Variants in IFIT1B observed in about 807,000 individuals in gnomAD.
IFIT1B encodes protein IFIT1 homolog B.
A neutral mutation model predicts 2.5 loss-of-function variants in IFIT1B; 3 were observed. The ratio of observed to expected loss-of-function variants is 1.21; its 90% CI spans 0.55 to 3.14. IFIT1B has a LOEUF of 3.14. Among genes scored for constraint, IFIT1B ranks in the 30% most tolerant of loss-of-function variants. The pLI is 0.03. For missense variants in IFIT1B, 545 were observed against 556.5 expected, an observed-to-expected ratio of 0.98 and a Z score of 0.21; for synonymous variants, 196 against 203.0, an observed-to-expected ratio of 0.97 and a Z score of 0.29.
In IFIT1B at chr10:89,384,374, GC is replaced by G. The variant is rs1564804618; in HGVS notation, c.1063del (p.His355ThrfsTer15). ...CTGGCTGAAACGTATGCAGAAATAG[GC>G]CACCACAGAAAGGCTGAGGAACATT... ...VDLAETYAEI[G>X]HHRKAEEHFQ... On this transcript the variant is annotated frameshift_variant, in exon 2 of 2. Transcript: ENST00000371809. LOFTEE classifies it low-confidence loss of function (END_TRUNC). The G allele has an allele frequency of 1.2e-6, 2 of 1,614,108 alleles. No individual in the cohort carries two copies. The highest frequency in any genetic ancestry group is 4.5e-5 in the East Asian group (2 of 44,888).
rs763129943 is a variant in IFIT1B at position 89,384,418 on chromosome 10, A to G, written c.1105A>G (p.Met369Val). 4 of 1,614,114 alleles carry G rather than the reference A, an allele frequency of 2.5e-6. No homozygotes were observed. Among genetic ancestry groups the G allele is most frequent in the South Asian group, 2.2e-5 (2 of 91,094 alleles). ...AEEHFQKGLR[M>V]KIFEDQLKQE... ...GGAACATTTTCAGAAAGGGTTACGC[A>G]TGAAGATCTTTGAAGATCAGCTAAA... Residue 369 changes from methionine (M) to valine (V), a missense_variant, in exon 2 of 2, where the codon ATG becomes GTG. Met to Val is a conservative substitution (Grantham distance 21, BLOSUM62 1). Coordinates refer to ENST00000371809, the MANE Select transcript of IFIT1B (RefSeq NM_001010987.2).
intron 1 of IFIT1B, among the ~76,000 whole-genome samples, chr10:89,379,549 G>T (rs1248066350): frequency 6.6e-6 from 1 of 152,136 alleles, no homozygotes; most frequent in Non-Finnish European, 1.5e-5. Flanking sequence ...ACCTGCTAGA[G>T]TTCTCCCATC....
chr10:89,383,316 C>G lies in IFIT1B; in HGVS notation c.6-3C>G. ...TGTAATTAATTGCTGCCTATTTTTA[C>G]AGTGAAGAATCTGATGGAAAGCTTA... On this transcript the variant is annotated splice_region_variant and splice_polypyrimidine_tract_variant and intron_variant, in intron 1 of 1. Transcript: ENST00000371809. 1 of 1,600,728 alleles carries G rather than the reference C, an allele frequency of 6.2e-7. No homozygotes were observed.
At chr10:89,378,780 T>C (rs1844140611) in intron 1 of IFIT1B, among the ~76,000 whole-genome samples, 1 of 152,224 alleles carries the variant, frequency 6.6e-6, no homozygotes, top group Admixed American at 6.5e-5. Context: ...TAACTCCTGT[T>C]ACAGAGCTCG....
chr10:89,383,815 C>G lies in IFIT1B; in HGVS notation c.502C>G (p.Leu168Val). The change falls in exon 2 of 2, where the codon CTG becomes GTG. Residue 168 changes from leucine to valine, a missense_variant. Leu to Val is a conservative substitution (Grantham distance 32). Transcript: ENST00000371809. Reference sequence around the variant, plus strand: ...GGCCAAGACCTGCTTTGAAAAGGCTCTGGAAGGGAACCCTGAAAACCCTGA... The same window carrying G: ...GGCCAAGACCTGCTTTGAAAAGGCTGTGGAAGGGAACCCTGAAAACCCTGA... The part of the protein sequence containing the change: ...ERAKTCFEKA[L>V]EGNPENPEFN... 1 of 1,614,210 alleles carries G rather than the reference C, an allele frequency of 6.2e-7. No individual in the cohort carries two copies. Among genetic ancestry groups the G allele is most frequent in the Non-Finnish European group, 8.5e-7 (1 of 1,180,040 alleles).
At chr10:89,378,895 A>C (rs1414851375) in intron 1 of IFIT1B, among the ~76,000 whole-genome samples, 1 of 152,232 alleles carries the variant, frequency 6.6e-6, no homozygotes. Flanking sequence ...ACTTTCTAAT[A>C]GAGGGACAAT....
chr10:89,380,967 A>G (rs1444183507), intron 1 of IFIT1B, among the ~76,000 whole-genome samples: 1 of 152,230 alleles, frequency 6.6e-6, no homozygotes, highest in Non-Finnish European at 1.5e-5. Context: ...GCAGCCTTGT[A>G]AGATTGTGTA....
Position 89,383,395 on chromosome 10 carries a change from G to T in IFIT1B, c.82G>T (p.Glu28Ter). 3.7e-6 allele frequency: 6 copies of T among 1,614,170 alleles called. No homozygotes were observed. Among genetic ancestry groups the T allele is most frequent in the Non-Finnish European group, 2.5e-6 (3 of 1,180,030 alleles). Residue 28 changes from glutamate to a stop codon, truncating the protein, a stop_gained, in exon 2 of 2, where the codon GAA becomes TAA. Transcript: ENST00000371809. LOFTEE classifies it low-confidence loss of function (END_TRUNC). ...TCACTTTACATGGAAGTTGTTAATTGAAGCCCCTGAAATTCCTGATTTAGA... is the reference window on the plus strand; with the variant it reads ...TCACTTTACATGGAAGTTGTTAATTTAAGCCCCTGAAATTCCTGATTTAGA... ...RCHFTWKLLI[E>*]APEIPDLENR...
At chr10:89,381,125 C>G (rs986443675) in intron 1 of IFIT1B, among the ~76,000 whole-genome samples, 16 of 152,158 alleles carry the variant, frequency 1.1e-4, no homozygotes, top group African/African-American at 3.9e-4. Flanking sequence ...GGGCTAGCAG[C>G]TGAGATGCTG....
chr10:89,378,606 G>A (rs905196481), intron 1 of IFIT1B, among the ~76,000 whole-genome samples: 4 of 152,168 alleles, frequency 2.6e-5, no homozygotes, highest in Non-Finnish European at 4.4e-5. Context: ...TTAATATCTG[G>A]CTGGTGCTCC....
At chr10:89,379,743 T>C (rs769512410) in intron 1 of IFIT1B, among the ~76,000 whole-genome samples, 35 of 152,010 alleles carry the variant, frequency 2.3e-4, no homozygotes, top group Middle Eastern at 3.2e-3. Flanking sequence ...GGTCATAAGA[T>C]GTTAGTTGTG....
chr10:89,383,749 G>C lies in IFIT1B; in HGVS notation c.436G>C (p.Gly146Arg), dbSNP rs1417783502. Residue 146 changes from glycine to arginine, a missense_variant, in exon 2 of 2, where the codon GGA becomes CGA. Physicochemically the swap from Gly to Arg is moderately radical, Grantham distance 125. Coordinates refer to ENST00000371809, the MANE Select transcript of IFIT1B (RefSeq NM_001010987.2). Reference protein sequence around the residue: ...MECPEVDCEEGWALAKCGGKN... With the variant: ...MECPEVDCEERWALAKCGGKN... ...GTGTCCAGAGGTGGACTGTGAGGAAGGATGGGCCTTGGCGAAGTGTGGTGG... is the reference window on the plus strand; with the variant it reads ...GTGTCCAGAGGTGGACTGTGAGGAACGATGGGCCTTGGCGAAGTGTGGTGG... 2 of 1,614,096 alleles carry C rather than the reference G, an allele frequency of 1.2e-6. No individual in the cohort carries two copies. The highest frequency in any genetic ancestry group is 2.7e-5 in the African/African-American group (2 of 74,938).
Position 89,383,379 on chromosome 10 carries a change from A to C in IFIT1B, c.66A>C (p.Thr22=), listed in dbSNP as rs544909773. ...DSLIQLRCHF[T]WKLLIEAPEI... ...TGATTCAGCTGAGATGTCACTTTAC[A>C]TGGAAGTTGTTAATTGAAGCCCCTG... The change falls in exon 2 of 2, where the codon ACA becomes ACC. Residue 22 remains threonine (T), a synonymous_variant. Coordinates refer to ENST00000371809, the MANE Select transcript of IFIT1B (RefSeq NM_001010987.2). The C allele has an allele frequency of 6.2e-7, 1 of 1,614,224 alleles. No homozygotes were observed. Among genetic ancestry groups the C allele is most frequent in the African/African-American group, 1.3e-5 (1 of 75,054 alleles).
chr10:89,378,566 A>T lies in IFIT1B; in HGVS notation c.5+426A>T, dbSNP rs1014224753. 2.6e-5 allele frequency among the ~76,000 whole-genome samples: 4 copies of T among 152,220 alleles called. No individual in the cohort carries two copies. The East Asian group carries it at 7.7e-4, about 29-fold the overall frequency. ...AGAGCACAGTGGGAGCTTAGGAATT[A>T]ATTCCATGACCTTCACCTCCTCCTG... On this transcript the variant is annotated intron_variant, in intron 1 of 1. Coordinates refer to ENST00000371809, the MANE Select transcript of IFIT1B (RefSeq NM_001010987.2).
At chr10:89,378,472 T>C (rs144001253) in intron 1 of IFIT1B, among the ~76,000 whole-genome samples, 446 of 152,186 alleles carry the variant, frequency 2.9e-3, no homozygotes, top group African/African-American at 9.7e-3. Context: ...AAGGAGACTC[T>C]AAGCTATAGC....
intron 1 of IFIT1B, among the ~76,000 whole-genome samples, chr10:89,382,700 G>A (rs772257816): frequency 2.6e-5 from 4 of 152,194 alleles, no homozygotes; most frequent in Non-Finnish European, 4.4e-5. Context: ...CCCTTGTGAG[G>A]TGGTTCCACC....
At chr10:89,380,682 C>G (rs1269298624) in intron 1 of IFIT1B, among the ~76,000 whole-genome samples, 1 of 152,164 alleles carries the variant, frequency 6.6e-6, no homozygotes, top group Non-Finnish European at 1.5e-5. Context: ...ATTCACCTGC[C>G]TTGGACTCTC....
intron 1 of IFIT1B, among the ~76,000 whole-genome samples, chr10:89,381,209 T>C (rs1173344643): frequency 6.6e-6 from 1 of 152,156 alleles, no homozygotes; most frequent in African/African-American, 2.4e-5. Flanking sequence ...GTAATGGAAG[T>C]CTGTGTGGAT....
intron 1 of IFIT1B, among the ~76,000 whole-genome samples, chr10:89,380,112 C>A (rs1231795850): frequency 6.6e-6 from 1 of 152,028 alleles, no homozygotes; most frequent in Non-Finnish European, 1.5e-5. Context: ...TCATTCCCTG[C>A]TGCCTTGGTA....
Sources: allele counts gnomAD v4.1 joint callset (sites outside exome capture counted in the v4.1 genomes callset), GRCh38; gene constraint gnomAD v4.1.1; transcripts MANE v1.5; gene names NCBI Gene and HGNC (gene_info 2026-07-23, HGNC 2026-07-21).